The following CADM2 variants were observed in gnomAD, a reference collection of about 807,000 sequenced individuals.
CADM2 encodes the protein cell adhesion molecule 2.
In CADM2, 12 loss-of-function variants were observed where a neutral mutation model predicts 49.8. The ratio of observed to expected loss-of-function variants is 0.24; its 90% confidence interval spans 0.15 to 0.39. CADM2 has a LOEUF of 0.39. CADM2 is among the 10% of genes least tolerant of loss of function. CADM2 has a pLI of 1.00. For synonymous variants in CADM2, 214 were observed against 175.4 expected (o/e 1.22, Z -1.74); for missense variants, 378 against 492.3 (o/e 0.77, Z 2.20).
At chr3:85,073,271 T>C (rs2036823612) in intron 1 of CADM2, among the ~76,000 whole-genome samples, 1 of 152,152 alleles carries the variant, frequency 6.6e-6, no homozygotes, top group South Asian at 2.1e-4. Context: ...TAAGATAATA[T>C]ACAGACTTTA....
In CADM2 at chr3:85,401,824, G is replaced by A. The variant is rs144012696; in HGVS notation, c.62-324698G>A. Among the ~76,000 whole-genome samples, 23 of 152,214 alleles carry A rather than the reference G, an allele frequency of 1.5e-4. No individual in the cohort carries two copies. In the East Asian group the frequency reaches 4.1e-3, roughly 27 times the overall value. ...TGGGATTTGGGGCTTAGTGTCAGGA[G>A]CACAGGTATGTTTACTCAAATTTCA... On this transcript the variant is annotated intron_variant, in intron 1 of 9. Coordinates refer to ENST00000383699, the MANE Select transcript of CADM2 (RefSeq NM_001167675.2).
chr3:85,231,786 C>T (rs2042295379), intron 1 of CADM2, among the ~76,000 whole-genome samples: 1 of 149,806 alleles, frequency 6.7e-6, no homozygotes, highest in Non-Finnish European at 1.5e-5. Flanking sequence ...AATCTCGGCT[C>T]ACTGCAACCT....
intron 1 of CADM2, among the ~76,000 whole-genome samples, chr3:85,105,976 G>A (rs1316529825): frequency 2.0e-5 from 3 of 152,024 alleles, no homozygotes; most frequent in Non-Finnish European, 4.4e-5. Flanking sequence ...GATAGCTTTA[G>A]GAGATATACC....
intron 2 of CADM2, among the ~76,000 whole-genome samples, chr3:85,774,954 A>G (rs901109022): frequency 6.6e-6 from 1 of 151,742 alleles, no homozygotes. Context: ...TCTAGAAAAT[A>G]CACATACATG....
intron 8 of CADM2, among the ~76,000 whole-genome samples, chr3:85,963,093 A>C (rs1454776371): frequency 1.3e-5 from 2 of 151,958 alleles, no homozygotes; most frequent in African/African-American, 2.4e-5. Context: ...GGAAAAAATT[A>C]ATATGTTCAG....
intron 2 of CADM2, among the ~76,000 whole-genome samples, chr3:85,740,983 A>G (rs1328134447): frequency 2.6e-5 from 4 of 152,162 alleles, no homozygotes; most frequent in African/African-American, 9.6e-5. Context: ...CAGGACAACA[A>G]TTCTCTTTCT....
chr3:85,761,065 C>T (rs190689772), intron 2 of CADM2, among the ~76,000 whole-genome samples: 54 of 152,146 alleles, frequency 3.5e-4, no homozygotes, highest in Admixed American at 5.9e-4. Flanking sequence ...AGGCAGGAGA[C>T]GAAGTCCCTA....
chr3:85,110,864 C>A (rs1411182258), intron 1 of CADM2, among the ~76,000 whole-genome samples: 1 of 151,830 alleles, frequency 6.6e-6, no homozygotes, highest in African/African-American at 2.4e-5. Flanking sequence ...GTTTTCCAAA[C>A]AATCCACAGC....
chr3:85,098,330 A>C (rs2107538342), intron 1 of CADM2, among the ~76,000 whole-genome samples: 2 of 152,106 alleles, frequency 1.3e-5, no homozygotes, highest in African/African-American at 4.8e-5. Flanking sequence ...TTTAAACAGT[A>C]GTTAAATGTA....
At chr3:85,839,884 G>T (rs980472221) in intron 3 of CADM2, among the ~76,000 whole-genome samples, 1 of 151,688 alleles carries the variant, frequency 6.6e-6, no homozygotes, top group African/African-American at 2.4e-5. Context: ...TGAGAGTTCC[G>T]AATAATTACG....
chr3:85,563,672 T>C (rs1474122806), intron 1 of CADM2, among the ~76,000 whole-genome samples: 1 of 152,098 alleles, frequency 6.6e-6, no homozygotes, highest in Non-Finnish European at 1.5e-5. Flanking sequence ...AGATATTTGT[T>C]GATAAAAAGA....
intron 3 of CADM2, among the ~76,000 whole-genome samples, chr3:85,825,822 G>A (rs1463593566): frequency 1.3e-5 from 2 of 151,912 alleles, no homozygotes; most frequent in Non-Finnish European, 2.9e-5. Context: ...TTATATATTG[G>A]TGAATTCTGA....
At chr3:85,724,808 GTAATTTTTGATATA>G (rs2067629974) in intron 1 of CADM2, among the ~76,000 whole-genome samples, 1 of 151,762 alleles carries the variant, frequency 6.6e-6, no homozygotes, top group African/African-American at 2.4e-5. Flanking sequence ...TATATTACCT[GTAATTTTTGATATA>G]TATCAATTTT....
chr3:85,520,750 T>C (rs1041950280), intron 1 of CADM2, among the ~76,000 whole-genome samples: 2 of 151,986 alleles, frequency 1.3e-5, no homozygotes, highest in African/African-American at 4.8e-5. Context: ...ATTAAAAAAA[T>C]GAAAGTGAAC....
At chr3:85,734,526 TAC>T (rs1021786908) in intron 2 of CADM2, among the ~76,000 whole-genome samples, 1 of 141,248 alleles carries the variant, frequency 7.1e-6, no homozygotes, top group African/African-American at 2.5e-5. Flanking sequence ...CATACACACA[TAC>T]ACACACATAC....
intron 1 of CADM2, among the ~76,000 whole-genome samples, chr3:85,381,304 T>G (rs2033891042): frequency 6.6e-6 from 1 of 151,578 alleles, no homozygotes; most frequent in South Asian, 2.1e-4. Context: ...TACATGTAAT[T>G]GATGAAAAAC....
intron 1 of CADM2, among the ~76,000 whole-genome samples, chr3:85,576,984 T>G (rs902637428): frequency 6.6e-6 from 1 of 152,066 alleles, no homozygotes; most frequent in African/African-American, 2.4e-5. Context: ...GTTGGCTGAC[T>G]AAAATGACCA....
intron 1 of CADM2, among the ~76,000 whole-genome samples, chr3:85,068,633 C>T (rs1428097090): frequency 6.6e-6 from 1 of 152,130 alleles, no homozygotes; most frequent in African/African-American, 2.4e-5. Context: ...GTAATGGAGC[C>T]TCAGGAACCA....
At chr3:85,865,148 G>A (rs1157733194) in intron 3 of CADM2, among the ~76,000 whole-genome samples, 1 of 152,170 alleles carries the variant, frequency 6.6e-6, no homozygotes, top group Non-Finnish European at 1.5e-5. Context: ...CAGGTGGTGT[G>A]AATTTTTATT....
Sources: allele counts gnomAD v4.1 joint callset (sites outside exome capture counted in the v4.1 genomes callset), GRCh38; gene constraint gnomAD v4.1.1; transcripts MANE v1.5; gene names NCBI Gene and HGNC (gene_info 2026-07-23, HGNC 2026-07-21).